Variants in GPC5 observed in about 807,000 individuals in gnomAD.
GPC5 encodes glypican-5.
In GPC5, 47 loss-of-function variants were observed where a neutral mutation model predicts 53.9. That is an observed-to-expected ratio of 0.87 (90% CI 0.69 to 1.11). GPC5 has a LOEUF of 1.11. GPC5 is among the 50% of genes most tolerant of loss of function. The probability of loss-of-function intolerance (pLI) is 0.00; values close to 1 mark genes in which losing one functional copy is unlikely to be tolerated. For missense variants in GPC5, 748 were observed against 713.1 expected (o/e 1.05, Z -0.56); for synonymous variants, 286 against 263.3 (o/e 1.09, Z -0.84).
intron 7 of GPC5, among the ~76,000 whole-genome samples, chr13:92,486,920 A>G (rs2139440595): frequency 6.6e-6 from 1 of 151,088 alleles, no homozygotes; most frequent in South Asian, 2.1e-4. Flanking sequence ...CAGAGGCGTT[A>G]TCTCGGCTCA....
intron 6 of GPC5, among the ~76,000 whole-genome samples, chr13:92,064,755 T>TCAAAAAAAAAAAAAAAAAAAAAAA (rs1566419660): frequency 2.1e-4 from 1 of 4,698 alleles, no homozygotes; most frequent in Non-Finnish European, 2.2e-3. Context: ...AGACTCCGTC[T>TCAAAAAAAAAAAAAAAAAAAAAAA]CAAAAAAAAA....
At chr13:92,552,642 C>T (rs903884465) in intron 7 of GPC5, among the ~76,000 whole-genome samples, 2 of 151,888 alleles carry the variant, frequency 1.3e-5, no homozygotes, top group African/African-American at 4.8e-5. Flanking sequence ...CCATGCTCTG[C>T]ATTGATTTCT....
intron 7 of GPC5, among the ~76,000 whole-genome samples, chr13:92,562,326 C>T (rs1882726492): frequency 6.6e-6 from 1 of 152,056 alleles, no homozygotes; most frequent in Admixed American, 6.6e-5. Context: ...GCCAAGAAGT[C>T]TGTGTTCTCC....
chr13:92,827,467 T>G (rs963183608), intron 7 of GPC5, among the ~76,000 whole-genome samples: 10 of 152,166 alleles, frequency 6.6e-5, no homozygotes, highest in African/African-American at 2.4e-4. Context: ...CTGAGAGATG[T>G]TGGAAAAGAA....
chr13:91,759,106 C>A (rs1037636907), intron 5 of GPC5, among the ~76,000 whole-genome samples: 3 of 152,062 alleles, frequency 2.0e-5, no homozygotes, highest in Non-Finnish European at 2.9e-5. Context: ...ACTTTTAATG[C>A]CCCAAGTAAG....
intron 7 of GPC5, among the ~76,000 whole-genome samples, chr13:92,838,155 GTGGT>G (rs1878283640): frequency 6.6e-6 from 1 of 151,598 alleles, no homozygotes; most frequent in African/African-American, 2.4e-5. Flanking sequence ...TTGCTTTAAG[GTGGT>G]TAGCTACCAC....
At chr13:91,937,745 G>A (rs1397867436) in intron 6 of GPC5, among the ~76,000 whole-genome samples, 3 of 152,068 alleles carry the variant, frequency 2.0e-5, no homozygotes, top group Non-Finnish European at 4.4e-5. Flanking sequence ...GACCGGATAA[G>A]ACAAGCAAAT....
chr13:92,649,398 ACT>A (rs1476401995), intron 7 of GPC5, among the ~76,000 whole-genome samples: 5 of 152,066 alleles, frequency 3.3e-5, no homozygotes, highest in African/African-American at 1.2e-4. Context: ...ATTTAACAAA[ACT>A]CTATTTGTAT....
chr13:91,835,879 A>G (rs2038718673), intron 5 of GPC5, among the ~76,000 whole-genome samples: 1 of 152,128 alleles, frequency 6.6e-6, no homozygotes, highest in Non-Finnish European at 1.5e-5. Flanking sequence ...AACTTAAAGT[A>G]GAATAATAAA....
At chr13:91,921,516 C>G (rs987724410) in intron 6 of GPC5, among the ~76,000 whole-genome samples, 1 of 151,936 alleles carries the variant, frequency 6.6e-6, no homozygotes, top group Non-Finnish European at 1.5e-5. Context: ...ACAAGAAAAA[C>G]TATGCAAATG....
At chr13:92,736,682 C>T (rs964056004) in intron 7 of GPC5, among the ~76,000 whole-genome samples, 1 of 151,804 alleles carries the variant, frequency 6.6e-6, no homozygotes, top group African/African-American at 2.4e-5. Flanking sequence ...ATCTGTTTAC[C>T]ACAATCTTTT....
intron 2 of GPC5, among the ~76,000 whole-genome samples, chr13:91,564,995 G>GT (rs938856079): frequency 1.3e-4 from 15 of 117,998 alleles, no homozygotes; most frequent in Non-Finnish European, 2.3e-4. Context: ...CTTTTTTTTG[G>GT]GGGGGGGTCG....
intron 2 of GPC5, among the ~76,000 whole-genome samples, chr13:91,466,815 TC>T (rs1164764215): frequency 2.0e-5 from 3 of 152,128 alleles, no homozygotes; most frequent in Non-Finnish European, 4.4e-5. Flanking sequence ...TCATTTTCCT[TC>T]TATCTTAGTT....
intron 6 of GPC5, among the ~76,000 whole-genome samples, chr13:91,935,934 C>A (rs1044866572): frequency 2.0e-5 from 3 of 151,806 alleles, no homozygotes; most frequent in Non-Finnish European, 1.5e-5. Context: ...TATGACTGAG[C>A]CTGGAGGAAG....
chr13:91,506,221 A>G (rs1053791836), intron 2 of GPC5, among the ~76,000 whole-genome samples: 2 of 152,120 alleles, frequency 1.3e-5, no homozygotes, highest in African/African-American at 4.8e-5. Context: ...CTACTTCTCT[A>G]AAGTTGAGTA....
chr13:92,730,758 C>T (rs1888779476), intron 7 of GPC5, among the ~76,000 whole-genome samples: 1 of 151,308 alleles, frequency 6.6e-6, no homozygotes, highest in Non-Finnish European at 1.5e-5. Context: ...TTAAAGACTT[C>T]TTGAGGCTGC....
At chr13:91,439,269 G>A (rs1417779381) in intron 1 of GPC5, among the ~76,000 whole-genome samples, 1 of 152,180 alleles carries the variant, frequency 6.6e-6, no homozygotes, top group African/African-American at 2.4e-5. Flanking sequence ...ACATGCTAGT[G>A]GCATCTAATG....
At chr13:91,939,192 A>G (rs2039901338) in intron 6 of GPC5, among the ~76,000 whole-genome samples, 2 of 152,114 alleles carry the variant, frequency 1.3e-5, no homozygotes, top group Non-Finnish European at 2.9e-5. Flanking sequence ...AAAATTATCC[A>G]TCTTCCTCTT....
chr13:92,135,404 C>T (rs1258912399), intron 6 of GPC5, among the ~76,000 whole-genome samples: 1 of 152,062 alleles, frequency 6.6e-6, no homozygotes, highest in African/African-American at 2.4e-5. Context: ...TTCACTTACT[C>T]GTTAGTTTTT....
Sources: allele counts gnomAD v4.1 joint callset (sites outside exome capture counted in the v4.1 genomes callset), GRCh38; gene constraint gnomAD v4.1.1; transcripts MANE v1.5; gene names NCBI Gene and HGNC (gene_info 2026-07-23, HGNC 2026-07-21).